CLEC7A: variants seen among roughly 807,000 people sequenced by gnomAD.
CLEC7A encodes C-type lectin domain containing 7A.
Under a neutral mutation model 26.9 loss-of-function variants are expected in CLEC7A, and 25 were observed. The observed-to-expected ratio is 0.93, with a 90% CI of 0.68 to 1.30. The LOEUF (loss-of-function observed/expected upper bound fraction) is 1.30. Ranked by LOEUF, CLEC7A falls within the 50% of genes most tolerant of loss-of-function variation. The pLI is 0.00. For missense variants in CLEC7A, 275 were observed against 286.7 expected (o/e 0.96, Z 0.29); for synonymous variants, 100 against 99.5 (o/e 1.01, Z -0.03).
rs753828241 is a variant in CLEC7A at position 10,125,297 on chromosome 12, C to T, written c.492G>A (p.Leu164=). ...NLLKIDSSNE[L]GFIVKQVSSQ... ...AATCATAACAGAAGTCTACACTTACCAATTCATTTGAGCTGTCTATCTTTA... is the reference window on the plus strand; with the variant it reads ...AATCATAACAGAAGTCTACACTTACTAATTCATTTGAGCTGTCTATCTTTA... The change falls in exon 4 of 6, where the codon TTG becomes TTA. Residue 164 remains leucine, a splice_region_variant and synonymous_variant. Transcript: ENST00000304084. 1.9e-6 allele frequency: 3 copies of T among 1,612,810 alleles called. No homozygotes were observed. The highest frequency in any genetic ancestry group is 2.2e-5 in the South Asian group (2 of 91,048).
intron 2 of CLEC7A, 69 bp from the exon 3 acceptor site, chr12:10,126,777 C>T: frequency 8.1e-7 from 1 of 1,233,090 alleles, no homozygotes; most frequent in South Asian, 1.4e-5. Context: ...AATTAAAATC[C>T]CAAAACCCAA....
chr12:10,119,925 A>C (rs1355863878), intron 5 of CLEC7A, among the ~76,000 whole-genome samples: 1 of 152,174 alleles, frequency 6.6e-6, no homozygotes, highest in East Asian at 1.9e-4. Flanking sequence ...GTGTATTCTG[A>C]AAGTTAGAAG....
chr12:10,123,836 C>T (rs1475141110), intron 4 of CLEC7A, among the ~76,000 whole-genome samples: 2 of 151,334 alleles, frequency 1.3e-5, no homozygotes, highest in Non-Finnish European at 2.9e-5. Flanking sequence ...TTTTGAATGT[C>T]ATTGAATGTC....
intron 1 of CLEC7A, 55 bp from the exon 2 acceptor site, chr12:10,127,900 G>A: frequency 8.1e-7 from 1 of 1,241,114 alleles, no homozygotes; most frequent in South Asian, 1.5e-5. Context: ...ACGGATGGTG[G>A]GGCAGTTTAA....
chr12:10,126,487 T>C lies in CLEC7A; in HGVS notation c.340+84A>G, dbSNP rs528205384. 4.9e-5 allele frequency: 73 copies of C among 1,483,140 alleles called. No individual in the cohort carries two copies. In the African/African-American group the frequency reaches 9.8e-4, roughly 20 times the overall value. 91.9% of individuals were successfully genotyped at this position (1,483,140 alleles called of 1,614,324 possible). On this transcript the variant is annotated intron_variant, in intron 3 of 5. Coordinates refer to ENST00000304084, the MANE Select transcript of CLEC7A (RefSeq NM_197947.3). ...ATTTACAATCATTGAATCTAAGTGT[T>C]TTTCTTTACACCCCTGCCCCAGGCT...
chr12:10,127,364 A>G, intron 2 of CLEC7A: 1 of 1,594,788 alleles, frequency 6.3e-7, no homozygotes, highest in Non-Finnish European at 8.6e-7. Flanking sequence ...GGAAGACAGC[A>G]CCATATTGTA....
In CLEC7A at chr12:10,129,925, A is replaced by G. The variant is rs575845002; in HGVS notation, c.103+55T>C. 12 of 1,055,338 alleles carry G rather than the reference A, an allele frequency of 1.1e-5. No homozygotes were observed. In the East Asian group the frequency reaches 2.6e-4, roughly 23 times the overall value. 65.4% of individuals were successfully genotyped at this position (1,055,338 alleles called of 1,614,324 possible). On this transcript the variant is annotated intron_variant, in intron 1 of 5. Coordinates refer to ENST00000304084, the MANE Select transcript of CLEC7A (RefSeq NM_197947.3). ...GAGCCACCATGCCTAGCCTCCCCTT[A>G]TATCTTTTCAAACGGGAGAGCTAAA...
chr12:10,119,511 T>A (rs1248839093), intron 5 of CLEC7A, among the ~76,000 whole-genome samples: 1 of 152,194 alleles, frequency 6.6e-6, no homozygotes. Context: ...TTGGGCCCAC[T>A]TGTGATTATA....
chr12:10,121,901 A>G (rs1178970983), intron 5 of CLEC7A, among the ~76,000 whole-genome samples: 1 of 152,138 alleles, frequency 6.6e-6, no homozygotes, highest in Non-Finnish European at 1.5e-5. Context: ...CCAGCTACTC[A>G]GGAGGCTGAG....
At position 10,117,550 on chromosome 12, in the gene CLEC7A, A is replaced by T. The variant is rs187544967; in HGVS notation, c.*908T>A. The T allele has an allele frequency of 2.0e-4, 31 of 151,844 alleles. No individual in the cohort carries two copies. Among genetic ancestry groups the T allele is most frequent in the East Asian group, 1.7e-3 (9 of 5,188 alleles). The allele number at this position is 151,844 out of a possible 1,614,324, so 9.4% of individuals were successfully genotyped here. On this transcript the variant is annotated 3_prime_UTR_variant, in exon 6 of 6. Transcript: ENST00000304084. ...TGTCTCAAAAAAAAAAAAAAAAAAAAAGATTCTATTAGAGATATGGCAGAT... is the reference window on the plus strand; with the variant it reads ...TGTCTCAAAAAAAAAAAAAAAAAAATAGATTCTATTAGAGATATGGCAGAT...
At chr12:10,126,862 G>T in intron 2 of CLEC7A, 154 bp from the exon 3 acceptor site, 1 of 646,468 alleles carries the variant, frequency 1.5e-6, no homozygotes, top group Non-Finnish European at 2.4e-6. Flanking sequence ...AGATAAAGAC[G>T]ATTGATAGAA....
intron 5 of CLEC7A, among the ~76,000 whole-genome samples, chr12:10,120,757 CT>C (rs71049047): frequency 0.83 from 113,812 of 137,576 alleles, 48,125 homozygotes; most frequent in Non-Finnish European, 0.91. Context: ...TTTTCTTTTT[CT>C]TTTTTTTTTT....
intron 2 of CLEC7A, 162 bp from the exon 3 acceptor site, chr12:10,126,870 G>A: frequency 1.7e-6 from 1 of 587,652 alleles, no homozygotes; most frequent in Non-Finnish European, 2.7e-6. Context: ...ACGATTGATA[G>A]AATAGATGAA....
In CLEC7A at chr12:10,125,375, T is replaced by C. The variant is rs143893294; in HGVS notation, c.414A>G (p.Leu138=). Residue 138 remains leucine, a synonymous_variant, in exon 4 of 6, where the codon CTA becomes CTG. Coordinates refer to ENST00000304084, the MANE Select transcript of CLEC7A (RefSeq NM_197947.3). ...GTCTTTTACTTCCATCCCAGGAATT[T>C]AGTGACATGCTGAATAGATAACAGC... The part of the protein sequence containing the change: ...EKSCYLFSMS[L]NSWDGSKRQC... 137 of 1,613,418 alleles carry C rather than the reference T, an allele frequency of 8.5e-5. No individual in the cohort carries two copies. In the Middle Eastern group the frequency reaches 9.9e-4, roughly 12 times the overall value.
At chr12:10,122,486 T>TTTTTTC (rs1948120720) in intron 5 of CLEC7A, among the ~76,000 whole-genome samples, 3 of 130,830 alleles carry the variant, frequency 2.3e-5, no homozygotes, top group African/African-American at 1.1e-4. Flanking sequence ...CTTTTTTTCT[T>TTTTTTC]TTTTTTTTTT....
At position 10,125,329 on chromosome 12, in the gene CLEC7A, T is replaced by G. The variant is rs1948242775; in HGVS notation, c.460A>C (p.Asn154His). Reference protein sequence around the residue: ...SKRQCWQLGSNLLKIDSSNEL... With the variant: ...SKRQCWQLGSHLLKIDSSNEL... The stretch of plus-strand genomic sequence containing the variant: ...TTTGAGCTGTCTATCTTTAGGAGAT[T>G]AGAGCCCAGTTGCCAGCATTGTCTT... The change falls in exon 4 of 6, where the codon AAT (asparagine) becomes CAT (histidine). Residue 154 changes from asparagine (N) to histidine (H), a missense_variant. Physicochemically the swap from Asn to His is moderately conservative, Grantham distance 68. Transcript: ENST00000304084. 1.9e-6 allele frequency: 3 copies of G among 1,613,876 alleles called. No homozygotes were observed. Among genetic ancestry groups the G allele is most frequent in the Non-Finnish European group, 2.5e-6 (3 of 1,179,944 alleles).
At chr12:10,120,296 A>G (rs1215020030) in intron 5 of CLEC7A, among the ~76,000 whole-genome samples, 1 of 152,242 alleles carries the variant, frequency 6.6e-6, no homozygotes, top group Non-Finnish European at 1.5e-5. Flanking sequence ...AGAATTTTTC[A>G]GTGCTGAGTA....
Position 10,118,612 on chromosome 12 carries a change from A to G in CLEC7A, c.612-22T>C, listed in dbSNP as rs202170690. 630 of 1,604,538 alleles carry G rather than the reference A, an allele frequency of 3.9e-4. 1 individual carries two copies. Among genetic ancestry groups the G allele is most frequent in the Admixed American group, 9.7e-4 (57 of 58,462 alleles). ...AAATCTGTTAAAATAGAATACAGTG[A>G]GGTAATTAGAACAAATGTTAAGGAA... On this transcript the variant is annotated intron_variant, in intron 5 of 5. Coordinates refer to ENST00000304084, the MANE Select transcript of CLEC7A (RefSeq NM_197947.3).
chr12:10,123,284 G>A lies in CLEC7A; in HGVS notation c.572C>T (p.Pro191Leu), dbSNP rs754607559. 41 of 1,612,774 alleles carry A rather than the reference G, an allele frequency of 2.5e-5. No homozygotes were observed. In the Admixed American group the frequency reaches 6.2e-4, roughly 24 times the overall value. Residue 191 changes from proline to leucine, a missense_variant, in exon 5 of 6, where the codon CCA (proline) becomes CTA (leucine). Transcript: ENST00000304084. The stretch of plus-strand genomic sequence containing the variant: ...TGTTGATCCATCCTCCCAGAGCCAT[G>A]GTACCTCAGTCTGGGGCCGAGAAAG... ...IGLSRPQTEV[P>L]WLWEDGSTFS...
Sources: allele counts gnomAD v4.1 joint callset (sites outside exome capture counted in the v4.1 genomes callset), GRCh38; gene constraint gnomAD v4.1.1; transcripts MANE v1.5; gene names NCBI Gene and HGNC (gene_info 2026-07-23, HGNC 2026-07-21).